The following TNFSF13B variants were observed in gnomAD, a reference collection of about 807,000 sequenced individuals.
TNFSF13B encodes the protein tumor necrosis factor ligand superfamily member 13B.
In TNFSF13B, 8 loss-of-function variants were observed where a neutral mutation model predicts 29.1. The observed-to-expected ratio is 0.27, with a 90% CI of 0.16 to 0.50. The LOEUF (loss-of-function observed/expected upper bound fraction) is 0.50, where lower values mean the gene tolerates loss of function less well. TNFSF13B is among the 20% of genes least tolerant of loss of function. The pLI, the probability that TNFSF13B is intolerant of heterozygous loss-of-function variation, is 0.98. For missense variants in TNFSF13B, 248 were observed against 334.9 expected, an observed-to-expected ratio of 0.74 and a Z score of 2.03; for synonymous variants, 125 against 130.8, an observed-to-expected ratio of 0.96 and a Z score of 0.30.
At chr13:108,289,254 T>C (rs1881235102) in intron 3 of TNFSF13B, among the ~76,000 whole-genome samples, 1 of 152,138 alleles carries the variant, frequency 6.6e-6, no homozygotes, top group Admixed American at 6.6e-5. Flanking sequence ...GTGATCTTCC[T>C]GGAGTGGTGA....
chr13:108,280,919 C>G (rs970800610), intron 2 of TNFSF13B, among the ~76,000 whole-genome samples: 4 of 152,146 alleles, frequency 2.6e-5, no homozygotes, highest in Non-Finnish European at 5.9e-5. Flanking sequence ...GGCGTGGTAC[C>G]TCGGCCTCTA....
chr13:108,301,896 C>A (rs1327301983), intron 3 of TNFSF13B, among the ~76,000 whole-genome samples: 5 of 151,964 alleles, frequency 3.3e-5, no homozygotes, highest in African/African-American at 9.7e-5. Context: ...TTGTACATGA[C>A]AAATATGTAC....
intron 3 of TNFSF13B, among the ~76,000 whole-genome samples, chr13:108,289,751 C>T (rs900561993): frequency 1.3e-5 from 2 of 151,376 alleles, no homozygotes; most frequent in Non-Finnish European, 2.9e-5. Flanking sequence ...TTCAAAGGAG[C>T]GGGGCTACGT....
intron 5 of TNFSF13B, among the ~76,000 whole-genome samples, chr13:108,305,880 T>C (rs540029128): frequency 6.6e-6 from 1 of 152,250 alleles, no homozygotes; most frequent in East Asian, 1.9e-4. Flanking sequence ...TAGGTTAGAA[T>C]AGACATGAAC....
intron 3 of TNFSF13B, among the ~76,000 whole-genome samples, chr13:108,298,523 T>C (rs1445127644): frequency 6.9e-6 from 1 of 145,744 alleles, no homozygotes; most frequent in Non-Finnish European, 1.5e-5. Flanking sequence ...CCAAATCTTA[T>C]TAAAATCAAT....
chr13:108,299,141 G>T (rs1881540982), intron 3 of TNFSF13B, among the ~76,000 whole-genome samples: 1 of 145,688 alleles, frequency 6.9e-6, no homozygotes, highest in Non-Finnish European at 1.5e-5. Flanking sequence ...TTATTCCTCA[G>T]TATTTCATTT....
intron 2 of TNFSF13B, among the ~76,000 whole-genome samples, chr13:108,279,947 T>A (rs192708727): frequency 6.6e-6 from 1 of 152,088 alleles, no homozygotes; most frequent in East Asian, 1.9e-4. Context: ...CCTGATTGGA[T>A]CAAATGCCCG....
intron 3 of TNFSF13B, among the ~76,000 whole-genome samples, chr13:108,290,512 C>G (rs577118266): frequency 6.6e-6 from 1 of 152,164 alleles, no homozygotes; most frequent in African/African-American, 2.4e-5. Context: ...TTCTTTCAAG[C>G]CATTCTTTTG....
chr13:108,273,227 C>T (rs1880669573), intron 2 of TNFSF13B, among the ~76,000 whole-genome samples: 1 of 151,774 alleles, frequency 6.6e-6, no homozygotes, highest in South Asian at 2.1e-4. Flanking sequence ...GATACACTTA[C>T]AGGTGGATTT....
At chr13:108,306,472 G>A (rs750061460) in intron 5 of TNFSF13B, among the ~76,000 whole-genome samples, 1 of 151,680 alleles carries the variant, frequency 6.6e-6, no homozygotes, top group African/African-American at 2.4e-5. Context: ...AACTTTCCCT[G>A]TCAACAAAAT....
intron 5 of TNFSF13B, among the ~76,000 whole-genome samples, chr13:108,305,433 C>T (rs898242379): frequency 2.0e-5 from 3 of 151,824 alleles, no homozygotes; most frequent in Non-Finnish European, 2.9e-5. Flanking sequence ...TTGAAGTAGC[C>T]GATAATTTAG....
intron 2 of TNFSF13B, among the ~76,000 whole-genome samples, chr13:108,271,444 TCACACACACACACACACA>T (rs59438208): frequency 7.0e-5 from 10 of 143,002 alleles, no homozygotes; most frequent in South Asian, 4.6e-4. Context: ...GACCCTTCTA[TCACACACACACACACACA>T]CACACACACA....
rs1272379390 is a variant in TNFSF13B at position 108,307,258 on chromosome 13, A to G, written c.*320A>G. The G allele has an allele frequency of 4.7e-6, 1 of 212,174 alleles. No homozygotes were observed. Among genetic ancestry groups the G allele is most frequent in the African/African-American group, 2.4e-5 (1 of 42,342 alleles). 13.1% of individuals were successfully genotyped at this position (212,174 alleles called of 1,614,324 possible). On this transcript the variant is annotated 3_prime_UTR_variant, in exon 6 of 6. Coordinates refer to ENST00000375887, the MANE Select transcript of TNFSF13B (RefSeq NM_006573.5). ...TAGCTTCTTATCTTGGAGGAAGGAC[A>G]CAATTCAAAGGGGCAGTAAGGATTT...
At chr13:108,300,656 A>G (rs146588769) in intron 3 of TNFSF13B, among the ~76,000 whole-genome samples, 72 of 152,350 alleles carry the variant, frequency 4.7e-4, no homozygotes, top group African/African-American at 1.7e-3. Context: ...TTGCATTTGT[A>G]ATTTGTCATT....
At chr13:108,271,893 C>G (rs1404898001) in intron 2 of TNFSF13B, among the ~76,000 whole-genome samples, 1 of 151,930 alleles carries the variant, frequency 6.6e-6, no homozygotes, top group Non-Finnish European at 1.5e-5. Context: ...AAAAGTTTTG[C>G]ACAGAACTCT....
At chr13:108,278,574 T>TC in intron 2 of TNFSF13B, among the ~76,000 whole-genome samples, 1 of 51,770 alleles carries the variant, frequency 1.9e-5, no homozygotes, top group Non-Finnish European at 3.8e-5. Context: ...TCCTACCCCC[T>TC]CCTCTCCTCC....
At position 108,298,197 on chromosome 13, in the gene TNFSF13B, A is replaced by G. The variant is rs1221387182; in HGVS notation, c.482-5056A>G. On this transcript the variant is annotated intron_variant, in intron 3 of 5. Coordinates refer to ENST00000375887, the MANE Select transcript of TNFSF13B (RefSeq NM_006573.5). ...TGGTGGGGGATTTTGATAATGGGAG[A>G]GTATCTGTAGGGAGTATGAGGTCTA... Among the ~76,000 whole-genome samples the G allele has an allele frequency of 1.4e-5, 2 of 144,516 alleles. 1 individual carries two copies. Among genetic ancestry groups the G allele is most frequent in the Non-Finnish European group, 3.1e-5 (2 of 65,152 alleles). The allele number at this position is 144,516 out of a possible 152,430, so 94.8% of individuals were successfully genotyped here.
At chr13:108,273,574 A>G (rs1490569990) in intron 2 of TNFSF13B, among the ~76,000 whole-genome samples, 1 of 152,216 alleles carries the variant, frequency 6.6e-6, no homozygotes, top group Non-Finnish European at 1.5e-5. Context: ...ATAATTTCAT[A>G]GCCACCTCCT....
At chr13:108,275,711 G>T (rs1399059962) in intron 2 of TNFSF13B, among the ~76,000 whole-genome samples, 1 of 152,036 alleles carries the variant, frequency 6.6e-6, no homozygotes, top group Non-Finnish European at 1.5e-5. Flanking sequence ...CAGTGTGTTG[G>T]CATGTACCCC....
Sources: allele counts gnomAD v4.1 joint callset (sites outside exome capture counted in the v4.1 genomes callset), GRCh38; gene constraint gnomAD v4.1.1; transcripts MANE v1.5; gene names NCBI Gene and HGNC (gene_info 2026-07-23, HGNC 2026-07-21).